STEAP3: variants seen among roughly 807,000 people sequenced by gnomAD.
The protein encoded by STEAP3 is metalloreductase STEAP3.
STEAP3 carries 35 observed loss-of-function variants against 34.9 expected under a neutral mutation model. That is an observed-to-expected ratio of 1.00 (90% CI 0.76 to 1.33). The LOEUF is 1.33. STEAP3 is among the 40% of genes most tolerant of loss of function. The pLI is 0.00. For missense variants in STEAP3, 652 were observed against 667.6 expected, an observed-to-expected ratio of 0.98 and a Z score of 0.26; for synonymous variants, 281 against 301.6, an observed-to-expected ratio of 0.93 and a Z score of 0.71.
At chr2:119,257,803 T>C (rs1457257270) in intron 5 of STEAP3, 3 of 1,212,120 alleles carry the variant, frequency 2.5e-6, no homozygotes, top group East Asian at 3.2e-5. Context: ...GGGACAGCCA[T>C]GGTTCTTGAG....
At position 119,246,096 on chromosome 2, in the gene STEAP3, C is replaced by T. The variant is rs770978832; in HGVS notation, c.522+108C>T. On this transcript the variant is annotated intron_variant, in intron 3 of 5. Coordinates refer to ENST00000393110, the MANE Select transcript of STEAP3 (RefSeq NM_182915.3). ...TGATATGTTATCATAACTAATCCTGCATCACTGCAAAATTCCATTTTACAG... is the reference window on the plus strand; with the variant it reads ...TGATATGTTATCATAACTAATCCTGTATCACTGCAAAATTCCATTTTACAG... 35 of 1,389,820 alleles carry T rather than the reference C, an allele frequency of 2.5e-5. No homozygotes were observed. In the African/African-American group the frequency reaches 3.4e-4, roughly 14 times the overall value. 86.1% of individuals were successfully genotyped at this position (1,389,820 alleles called of 1,614,324 possible).
intron 2 of STEAP3, chr2:119,239,569 TGTTGATGG>T (rs2104807292): frequency 6.6e-6 from 1 of 152,312 alleles, no homozygotes; most frequent in East Asian, 1.9e-4. Context: ...GGACATGCAC[TGTTGATGG>T]GTCCTTGCAC....
chr2:119,251,644 C>G (rs895406), intron 4 of STEAP3, among the ~76,000 whole-genome samples: 1 of 151,916 alleles, frequency 6.6e-6, no homozygotes, highest in African/African-American at 2.4e-5. Context: ...CTGAAAAGAT[C>G]CAGTGACCCC....
At position 119,263,467 on chromosome 2, in the gene STEAP3, T is replaced by C; in HGVS notation, c.*129T>C. 8.0e-7 allele frequency: 1 copy of C among 1,257,478 alleles called. No homozygotes were observed. The highest frequency in any genetic ancestry group is 1.1e-6 in the Non-Finnish European group (1 of 892,492). 77.9% of individuals were successfully genotyped at this position (1,257,478 alleles called of 1,614,324 possible). ...ATAGGAGGTTTGAGGTCCAAATTCC[T>C]GGGACTCAAATGTATGCAGTACTAT... On this transcript the variant is annotated 3_prime_UTR_variant, in exon 6 of 6. Transcript: ENST00000393110.
rs779621410 is a variant in STEAP3, at chr2:119,248,112, G to T, written c.956G>T (p.Ser319Ile). The T allele has an allele frequency of 6.2e-7, 1 of 1,608,698 alleles. No individual in the cohort carries two copies. Among genetic ancestry groups the T allele is most frequent in the South Asian group, 1.1e-5 (1 of 91,076 alleles). ...LQHRKQIGLLSFFCAALHALY... is the reference protein window; with the variant it reads ...LQHRKQIGLLIFFCAALHALY... ...CACCGCAAGCAGATCGGGCTGCTCAGCTTCTTCTGCGCCGCCCTGCACGCC... is the reference window on the plus strand; with the variant it reads ...CACCGCAAGCAGATCGGGCTGCTCATCTTCTTCTGCGCCGCCCTGCACGCC... The change falls in exon 4 of 6, where the codon AGC becomes ATC. Residue 319 changes from serine to isoleucine, a missense_variant. Coordinates refer to ENST00000393110, the MANE Select transcript of STEAP3 (RefSeq NM_182915.3).
At chr2:119,258,790 T>C in intron 5 of STEAP3, among the ~76,000 whole-genome samples, 1 of 142,352 alleles carries the variant, frequency 7.0e-6, no homozygotes, top group Non-Finnish European at 1.6e-5. Flanking sequence ...TTTTTTTTTT[T>C]TTTTTGTATT....
At chr2:119,227,684 T>C (rs1679084127) in intron 1 of STEAP3, among the ~76,000 whole-genome samples, 1 of 152,146 alleles carries the variant, frequency 6.6e-6, no homozygotes, top group Non-Finnish European at 1.5e-5. Flanking sequence ...TAAAGAGATT[T>C]GGGGTCGGTG....
chr2:119,255,403 T>C (rs568159283), intron 5 of STEAP3, among the ~76,000 whole-genome samples: 1 of 152,264 alleles, frequency 6.6e-6, no homozygotes, highest in Admixed American at 6.5e-5. Flanking sequence ...ATGCCATTCC[T>C]ATGAAAAAAT....
chr2:119,233,628 G>A (rs1333812390), intron 2 of STEAP3, among the ~76,000 whole-genome samples: 12 of 152,164 alleles, frequency 7.9e-5, no homozygotes, highest in Non-Finnish European at 8.8e-5. Flanking sequence ...GCTAGGCCCC[G>A]GTAGGTGTTA....
intron 2 of STEAP3, among the ~76,000 whole-genome samples, chr2:119,238,602 T>C (rs13401854): frequency 0.055 from 8,358 of 152,292 alleles, 257 homozygotes; most frequent in African/African-American, 0.077. Flanking sequence ...TTCTCGATGC[T>C]GTGCTCTTTC....
intron 5 of STEAP3, among the ~76,000 whole-genome samples, chr2:119,255,175 C>A (rs149259504): frequency 1.3e-3 from 192 of 152,250 alleles, no homozygotes; most frequent in Non-Finnish European, 2.4e-3. Context: ...GACATGAAGT[C>A]ATTGGACATT....
rs769332570 is a variant in STEAP3 at position 119,245,576 on chromosome 2, A to G, written c.110A>G (p.Glu37Gly). 1.2e-6 allele frequency: 2 copies of G among 1,606,080 alleles called. No individual in the cohort carries two copies. Among genetic ancestry groups the G allele is most frequent in the Admixed American group, 3.3e-5 (2 of 59,922 alleles). ...AGTAGCCTTGCCAAGGTCCCCGATG[A>G]GGCCCCCAAAGTGGGCATCCTGGGT... The part of the protein sequence containing the change: ...SDSSLAKVPD[E>G]APKVGILGSG... The change falls in exon 3 of 6, where the codon GAG becomes GGG. Residue 37 changes from glutamate to glycine, a missense_variant. Glu to Gly is a moderately conservative substitution (Grantham distance 98, BLOSUM62 -2). Coordinates refer to ENST00000393110, the MANE Select transcript of STEAP3 (RefSeq NM_182915.3).
intron 5 of STEAP3, 60 bp from the exon 6 acceptor site, chr2:119,262,997 G>A: frequency 1.3e-6 from 2 of 1,577,706 alleles, no homozygotes; most frequent in Non-Finnish European, 1.7e-6. Flanking sequence ...TGAGTCGTTG[G>A]CAGGATCACT....
chr2:119,234,362 G>T (rs1278341524), intron 2 of STEAP3, among the ~76,000 whole-genome samples: 1 of 152,222 alleles, frequency 6.6e-6, no homozygotes, highest in Non-Finnish European at 1.5e-5. Context: ...CGCTGAGGCT[G>T]CAGATTCAGC....
At chr2:119,229,678 G>A (rs1471997645) in intron 1 of STEAP3, among the ~76,000 whole-genome samples, 1 of 152,158 alleles carries the variant, frequency 6.6e-6, no homozygotes, top group Non-Finnish European at 1.5e-5. Flanking sequence ...ATTGTCAGGG[G>A]TGGGCGTTGG....
rs1678081479 is a variant in STEAP3, at chr2:119,265,435, T to C, written c.*2097T>C. Reference sequence around the variant, plus strand: ...TGTCTTCCCTACCTCACCAGGCTACTGGCAGCAGCATCCCGAGAGCACATC... The same window carrying C: ...TGTCTTCCCTACCTCACCAGGCTACCGGCAGCAGCATCCCGAGAGCACATC... On this transcript the variant is annotated 3_prime_UTR_variant, in exon 6 of 6. Coordinates refer to ENST00000393110, the MANE Select transcript of STEAP3 (RefSeq NM_182915.3). The C allele has an allele frequency of 6.6e-6, 1 of 152,224 alleles. No homozygotes were observed. Among genetic ancestry groups the C allele is most frequent in the Admixed American group, 6.5e-5 (1 of 15,272 alleles). 9.4% of individuals were successfully genotyped at this position (152,224 alleles called of 1,614,324 possible).
chr2:119,249,479 C>T (rs1488376609), intron 4 of STEAP3, among the ~76,000 whole-genome samples: 2 of 152,158 alleles, frequency 1.3e-5, no homozygotes, highest in African/African-American at 4.8e-5. Context: ...CTCCAGGACG[C>T]TAGTCACCCA....
chr2:119,248,069 C>A lies in STEAP3; in HGVS notation c.913C>A (p.Leu305Met). 1 of 1,608,490 alleles carries A rather than the reference C, an allele frequency of 6.2e-7. No homozygotes were observed. The highest frequency in any genetic ancestry group is 8.5e-7 in the Non-Finnish European group (1 of 1,179,906). The change falls in exon 4 of 6, where the codon CTG becomes ATG. Residue 305 changes from leucine (L) to methionine (M), a missense_variant. By Grantham distance (15) the Leu-to-Met change is conservative (BLOSUM62 2). Transcript: ENST00000393110. ...GTKYQRFPDW[L>M]DHWLQHRKQI... ...CAAGTACCAGCGCTTCCCCGACTGG[C>A]TGGACCACTGGCTACAGCACCGCAA...
chr2:119,232,446 G>T (rs1411637600), intron 2 of STEAP3, among the ~76,000 whole-genome samples: 1 of 152,180 alleles, frequency 6.6e-6, no homozygotes, highest in African/African-American at 2.4e-5. Flanking sequence ...TTGACTCCTG[G>T]TTATTGCAGC....
Sources: allele counts gnomAD v4.1 joint callset (sites outside exome capture counted in the v4.1 genomes callset), GRCh38; gene constraint gnomAD v4.1.1; transcripts MANE v1.5; gene names NCBI Gene and HGNC (gene_info 2026-07-23, HGNC 2026-07-21).